THSD7A: variants seen among roughly 807,000 people sequenced by gnomAD.
THSD7A encodes thrombospondin type 1 domain containing 7A.
In THSD7A, 96 loss-of-function variants were observed where a neutral mutation model predicts 231.3. The ratio of observed to expected loss-of-function variants is 0.41; its 90% confidence interval spans 0.35 to 0.49. The LOEUF (loss-of-function observed/expected upper bound fraction) is 0.49, where lower values mean the gene tolerates loss of function less well. Ranked by LOEUF, THSD7A falls within the 20% of genes least tolerant of loss-of-function variation. The pLI, the probability that THSD7A is intolerant of heterozygous loss-of-function variation, is 0.05. For synonymous variants in THSD7A, 940 were observed against 743.3 expected (o/e 1.26, Z -4.30); for missense variants, 2,290 against 2,070.2 (o/e 1.11, Z -2.06).
At chr7:11,501,037 C>T (rs1446582749) in intron 6 of THSD7A, among the ~76,000 whole-genome samples, 1 of 151,150 alleles carries the variant, frequency 6.6e-6, no homozygotes, top group African/African-American at 2.4e-5. Context: ...CAAGGAAGGG[C>T]ATTATATAAT....
rs544179102 is a variant in THSD7A at position 11,588,525 on chromosome 7, T to G, written c.1453+1935A>C. 1.2e-3 allele frequency among the ~76,000 whole-genome samples: 190 copies of G among 152,344 alleles called. 1 individual carries two copies. The highest frequency in any genetic ancestry group is 4.4e-3 in the African/African-American group (183 of 41,586). On this transcript the variant is annotated intron_variant, in intron 4 of 27. Coordinates refer to ENST00000423059, the MANE Select transcript of THSD7A (RefSeq NM_015204.3). ...CTTTGCTTTGGCATTTGCTTTAGTC[T>G]AACAACTACATCTTAATAATGATAT...
At chr7:11,566,433 G>A (rs1381166366) in intron 4 of THSD7A, among the ~76,000 whole-genome samples, 2 of 152,154 alleles carry the variant, frequency 1.3e-5, no homozygotes, top group African/African-American at 2.4e-5. Flanking sequence ...TTTTTAACAC[G>A]TACTTTATGT....
chr7:11,523,319 C>T (rs1017274779), intron 6 of THSD7A, among the ~76,000 whole-genome samples: 2 of 151,958 alleles, frequency 1.3e-5, no homozygotes, highest in South Asian at 2.1e-4. Flanking sequence ...GAGACACAGG[C>T]ACTAGAAATA....
intron 27 of THSD7A, 22 bp downstream of exon 27, chr7:11,376,548 T>A (rs1782282024): frequency 6.5e-7 from 1 of 1,534,014 alleles, no homozygotes; most frequent in East Asian, 2.4e-5. Context: ...CTCTTTGGAT[T>A]TTTAATTATT....
chr7:11,718,229 T>A (rs891499628), intron 1 of THSD7A, among the ~76,000 whole-genome samples: 31 of 151,788 alleles, frequency 2.0e-4, no homozygotes, highest in African/African-American at 6.5e-4. Context: ...CAGCACAATT[T>A]GTATGCGATC....
rs971336482 is a variant in THSD7A, at chr7:11,832,139, TGCCGCC to T, written c.-199_-194del. On this transcript the variant is annotated 5_prime_UTR_variant, in exon 1 of 28. Coordinates refer to ENST00000423059, the MANE Select transcript of THSD7A (RefSeq NM_015204.3). ...CGTCCGCGGTGGTGGCCGTGGCCGC[TGCCGCC>T]GCCGCCGCCGCCTCTGGCGGGGATG... The T allele has an allele frequency of 9.0e-6, 3 of 332,336 alleles. No homozygotes were observed. The highest frequency in any genetic ancestry group is 1.3e-4 in the South Asian group (1 of 7,686). 20.6% of individuals were successfully genotyped at this position (332,336 alleles called of 1,614,324 possible).
intron 2 of THSD7A, among the ~76,000 whole-genome samples, chr7:11,622,646 C>G (rs1260965251): frequency 6.6e-6 from 1 of 152,104 alleles, no homozygotes; most frequent in Non-Finnish European, 1.5e-5. Flanking sequence ...CCTCTCCAGA[C>G]TACCTAAAAG....
At chr7:11,763,943 A>G (rs1372215063) in intron 1 of THSD7A, among the ~76,000 whole-genome samples, 1 of 152,226 alleles carries the variant, frequency 6.6e-6, no homozygotes, top group East Asian at 1.9e-4. Flanking sequence ...TAAGTAAGTA[A>G]TATTTTGTAA....
chr7:11,645,763 A>T (rs940095484), intron 1 of THSD7A, among the ~76,000 whole-genome samples: 6 of 151,722 alleles, frequency 4.0e-5, no homozygotes, highest in African/African-American at 1.5e-4. Context: ...ATATGATCTC[A>T]TTTGATCTTT....
intron 4 of THSD7A, among the ~76,000 whole-genome samples, chr7:11,546,000 T>C (rs575376418): frequency 6.0e-4 from 92 of 152,238 alleles, no homozygotes; most frequent in African/African-American, 2.2e-3. Flanking sequence ...CCTGGCCTTG[T>C]ACACTTGCAG....
chr7:11,488,346 A>C (rs2128306731), intron 6 of THSD7A, among the ~76,000 whole-genome samples: 1 of 152,202 alleles, frequency 6.6e-6, no homozygotes, highest in African/African-American at 2.4e-5. Context: ...GGAGTCTCAT[A>C]TTTGCATGGA....
chr7:11,446,302 T>A lies in THSD7A; in HGVS notation c.2823A>T (p.Lys941Asn). 1 of 1,611,156 alleles carries A rather than the reference T, an allele frequency of 6.2e-7. No individual in the cohort carries two copies. ...GGGGATACAAATGGGAATTTTTACA[T>A]TTTTCCTTCTTTTTACTTTTTCCTG... ...TLVGKSKKKEKCKNSHLYPLI... is the reference protein window; with the variant it reads ...TLVGKSKKKENCKNSHLYPLI... Residue 941 changes from lysine to asparagine, a missense_variant, in exon 13 of 28, where the codon AAA (lysine) becomes AAT (asparagine). By Grantham distance (94) the Lys-to-Asn change is moderately conservative (BLOSUM62 0). Transcript: ENST00000423059. The surrounding 1 kb of genome is among the most constrained non-coding windows in gnomAD (Gnocchi z 4.0).
chr7:11,805,336 G>A (rs1452991498), intron 1 of THSD7A, among the ~76,000 whole-genome samples: 1 of 151,988 alleles, frequency 6.6e-6, no homozygotes, highest in Non-Finnish European at 1.5e-5. Flanking sequence ...ATTAATTATT[G>A]TTTACCCAAT....
intron 2 of THSD7A, among the ~76,000 whole-genome samples, chr7:11,615,033 T>C (rs908138079): frequency 1.3e-5 from 2 of 152,228 alleles, no homozygotes; most frequent in African/African-American, 4.8e-5. Flanking sequence ...GCAAATTTCA[T>C]AGACTGTCTA....
At chr7:11,398,271 C>CAAACT (rs1370689852) in intron 23 of THSD7A, among the ~76,000 whole-genome samples, 1 of 152,042 alleles carries the variant, frequency 6.6e-6, no homozygotes, top group African/African-American at 2.4e-5. Flanking sequence ...TCATTCTCAG[C>CAAACT]AAACTAACAC....
chr7:11,439,359 T>A (rs1157716769), intron 13 of THSD7A, among the ~76,000 whole-genome samples: 2 of 152,022 alleles, frequency 1.3e-5, no homozygotes, highest in Non-Finnish European at 2.9e-5. Flanking sequence ...AGCAAATCTA[T>A]CGGTGCCATT....
At chr7:11,810,721 A>T (rs969513765) in intron 1 of THSD7A, among the ~76,000 whole-genome samples, 10 of 152,298 alleles carry the variant, frequency 6.6e-5, no homozygotes, top group Non-Finnish European at 1.2e-4. Flanking sequence ...CACCATACAC[A>T]TGGACATGTA....
intron 4 of THSD7A, among the ~76,000 whole-genome samples, chr7:11,560,499 C>T (rs1031238505): frequency 1.3e-5 from 2 of 152,130 alleles, no homozygotes; most frequent in African/African-American, 4.8e-5. Flanking sequence ...TCAAATCTTT[C>T]CTTCTACCAG....
At chr7:11,774,300 G>A (rs1297967727) in intron 1 of THSD7A, among the ~76,000 whole-genome samples, 1 of 152,234 alleles carries the variant, frequency 6.6e-6, no homozygotes, top group East Asian at 1.9e-4. Flanking sequence ...ACTAATAGCA[G>A]CAGGCAATAG....
Sources: allele counts gnomAD v4.1 joint callset (sites outside exome capture counted in the v4.1 genomes callset), GRCh38; gene constraint gnomAD v4.1.1; non-coding constraint Gnocchi (gnomAD v3.1); transcripts MANE v1.5; gene names NCBI Gene and HGNC (gene_info 2026-07-23, HGNC 2026-07-21).